The following PDE4D variants were observed in gnomAD, a reference collection of about 807,000 sequenced individuals.
PDE4D encodes the protein 3',5'-cyclic-AMP phosphodiesterase 4D.
PDE4D carries 24 observed loss-of-function variants against 87.4 expected under a neutral mutation model. The observed-to-expected ratio is 0.27, with a 90% CI of 0.20 to 0.39. The LOEUF is 0.39. Among genes scored for constraint, PDE4D ranks in the 10% least tolerant of loss-of-function variants. The probability of loss-of-function intolerance (pLI) is 1.00; values close to 1 mark genes in which losing one functional copy is unlikely to be tolerated. For missense variants in PDE4D, 714 were observed against 1,041.0 expected, an observed-to-expected ratio of 0.69 and a Z score of 4.32; for synonymous variants, 384 against 383.2, an observed-to-expected ratio of 1.00 and a Z score of -0.02.
chr5:59,997,010 AG>A (rs1191971662), intron 2 of PDE4D, among the ~76,000 whole-genome samples: 2 of 152,148 alleles, frequency 1.3e-5, no homozygotes, highest in African/African-American at 4.8e-5. Flanking sequence ...TTTCCAAAAA[AG>A]GAATAGAAAA....
intron 1 of PDE4D, among the ~76,000 whole-genome samples, chr5:60,255,330 A>G (rs1291772329): frequency 6.6e-6 from 1 of 151,892 alleles, no homozygotes; most frequent in Non-Finnish European, 1.5e-5. Context: ...GTTTAACCAG[A>G]AATGTTAACA....
At chr5:60,517,982 G>A (rs1213583842) in intron 1 of PDE4D, among the ~76,000 whole-genome samples, 3 of 152,248 alleles carry the variant, frequency 2.0e-5, no homozygotes, top group Non-Finnish European at 4.4e-5. Context: ...CCAAGCCAGG[G>A]ATGTGACACC....
intron 5 of PDE4D, among the ~76,000 whole-genome samples, chr5:59,135,509 G>C (rs1269030024): frequency 6.6e-6 from 1 of 152,096 alleles, no homozygotes; most frequent in Non-Finnish European, 1.5e-5. Flanking sequence ...AGCTTCTGAG[G>C]ATTATCAGTT....
chr5:59,700,717 T>C (rs1413238550), intron 1 of PDE4D, among the ~76,000 whole-genome samples: 1 of 152,230 alleles, frequency 6.6e-6, no homozygotes, highest in Non-Finnish European at 1.5e-5. Flanking sequence ...TTTGGTCTTA[T>C]TTATCAATTA....
At chr5:60,281,268 GA>G (rs1357583910) in intron 1 of PDE4D, among the ~76,000 whole-genome samples, 1 of 152,150 alleles carries the variant, frequency 6.6e-6, no homozygotes, top group Non-Finnish European at 1.5e-5. Context: ...AAACGTACAA[GA>G]AAGTACCTCA....
chr5:59,889,502 T>C (rs1489747534), intron 1 of PDE4D, among the ~76,000 whole-genome samples: 1 of 152,020 alleles, frequency 6.6e-6, no homozygotes, highest in Non-Finnish European at 1.5e-5. Context: ...TAAATATAAA[T>C]AGATAAAAAT....
At chr5:60,480,388 AAAG>A (rs1748640137) in intron 1 of PDE4D, among the ~76,000 whole-genome samples, 1 of 152,108 alleles carries the variant, frequency 6.6e-6, no homozygotes, top group Non-Finnish European at 1.5e-5. Flanking sequence ...CGTAAAATGT[AAAG>A]CATTTTACGT....
intron 1 of PDE4D, among the ~76,000 whole-genome samples, chr5:59,640,124 G>T (rs1459646932): frequency 3.3e-5 from 5 of 152,042 alleles, no homozygotes; most frequent in Non-Finnish European, 7.4e-5. Context: ...CCCAATATTT[G>T]CAGTGTCTAT....
chr5:60,183,103 A>G (rs533818637), intron 2 of PDE4D, among the ~76,000 whole-genome samples: 2 of 152,276 alleles, frequency 1.3e-5, no homozygotes, highest in East Asian at 1.9e-4. Context: ...TCTCTCTGCC[A>G]TGTGAGGACC....
At chr5:59,189,164 C>T (rs1310675053) in intron 3 of PDE4D, among the ~76,000 whole-genome samples, 1 of 150,956 alleles carries the variant, frequency 6.6e-6, no homozygotes, top group Non-Finnish European at 1.5e-5. Context: ...GCATTTTTAT[C>T]CTAGAAGTAT....
chr5:60,085,567 G>A (rs1050853051), intron 2 of PDE4D, among the ~76,000 whole-genome samples: 7 of 152,166 alleles, frequency 4.6e-5, no homozygotes, highest in Non-Finnish European at 8.8e-5. Context: ...TTGTGCCTCC[G>A]TCTTTTTTTC....
intron 3 of PDE4D, among the ~76,000 whole-genome samples, chr5:59,901,488 A>G (rs1437443213): frequency 6.6e-6 from 1 of 152,214 alleles, no homozygotes; most frequent in Non-Finnish European, 1.5e-5. Context: ...AGAGTGATCA[A>G]GAAAGTGAGA....
At chr5:59,770,975 T>C (rs1366520388) in intron 1 of PDE4D, among the ~76,000 whole-genome samples, 1 of 151,562 alleles carries the variant, frequency 6.6e-6, no homozygotes, top group African/African-American at 2.4e-5. Flanking sequence ...CTATAAAACA[T>C]TAAAAAATAG....
intron 1 of PDE4D, among the ~76,000 whole-genome samples, chr5:60,302,690 A>T (rs997037559): frequency 6.6e-6 from 1 of 151,888 alleles, no homozygotes; most frequent in Non-Finnish European, 1.5e-5. Context: ...GATCTTGGTT[A>T]TTCTTGTCTT....
At chr5:60,456,172 C>T (rs1270703047) in intron 1 of PDE4D, among the ~76,000 whole-genome samples, 2 of 152,138 alleles carry the variant, frequency 1.3e-5, no homozygotes, top group African/African-American at 4.8e-5. Flanking sequence ...TGGAAGTCAT[C>T]TTGGGATCAC....
intron 1 of PDE4D, among the ~76,000 whole-genome samples, chr5:60,295,038 C>G (rs974012999): frequency 1.4e-4 from 21 of 152,042 alleles, no homozygotes; most frequent in African/African-American, 5.1e-4. Context: ...TTAAATTTAT[C>G]TTGGTAAATT....
At chr5:59,180,963 ACT>A (rs1741395364) in intron 4 of PDE4D, among the ~76,000 whole-genome samples, 1 of 152,162 alleles carries the variant, frequency 6.6e-6, no homozygotes, top group African/African-American at 2.4e-5. Flanking sequence ...GAGCTTATAG[ACT>A]CTGAATTTGA....
chr5:59,446,261 T>C (rs1317214113), intron 1 of PDE4D, among the ~76,000 whole-genome samples: 2 of 152,164 alleles, frequency 1.3e-5, no homozygotes, highest in South Asian at 2.1e-4. Flanking sequence ...TTAACACTTA[T>C]AAGTGTTACC....
At chr5:59,999,336 A>G (rs938865530) in intron 2 of PDE4D, among the ~76,000 whole-genome samples, 1 of 152,208 alleles carries the variant, frequency 6.6e-6, no homozygotes, top group Non-Finnish European at 1.5e-5. Context: ...TGGAATCTAC[A>G]TACTTTGGAT....
Sources: gnomAD v4.1 joint callset for allele counts (sites outside exome capture counted in the v4.1 genomes callset) on GRCh38, gnomAD v4.1.1 for gene constraint, MANE v1.5 for transcripts, NCBI Gene and HGNC (gene_info 2026-07-23, HGNC 2026-07-21) for gene names.